ZMYM2: variants seen among roughly 807,000 people sequenced by gnomAD.
The protein encoded by ZMYM2 is zinc finger MYM-type protein 2.
In ZMYM2, 56 loss-of-function variants were observed where a neutral mutation model predicts 162.8. The ratio of observed to expected loss-of-function variants is 0.34; its 90% CI spans 0.28 to 0.43. The LOEUF (loss-of-function observed/expected upper bound fraction) is 0.43. Among genes scored for constraint, ZMYM2 ranks in the 20% least tolerant of loss-of-function variants. The probability of loss-of-function intolerance (pLI) is 1.00; values close to 1 mark genes in which losing one functional copy is unlikely to be tolerated. For missense variants in ZMYM2, 1,275 were observed against 1,621.8 expected (o/e 0.79, Z 3.67); for synonymous variants, 510 against 541.6 (o/e 0.94, Z 0.81).
chr13:19,867,676 A>T, the ZMYM2 span, among the ~76,000 whole-genome samples: 4 of 151,852 alleles, frequency 2.6e-5, no homozygotes, highest in Non-Finnish European at 5.9e-5. Context: ...CCCAGGCTGG[A>T]GTGCAGTGGC....
At chr13:20,055,355 C>T (rs1323291676) in intron 14 of ZMYM2, among the ~76,000 whole-genome samples, 1 of 152,182 alleles carries the variant, frequency 6.6e-6, no homozygotes, top group African/African-American at 2.4e-5. Flanking sequence ...TGTGCATGTT[C>T]CCAGTTGAAG....
the ZMYM2 span, among the ~76,000 whole-genome samples, chr13:19,952,627 CA>C: frequency 2.0e-5 from 3 of 152,092 alleles, no homozygotes; most frequent in Non-Finnish European, 2.9e-5. Context: ...ACTATAGTTG[CA>C]AACACTTTTT....
intron 9 of ZMYM2, chr13:20,027,957 G>C (rs997369122): frequency 5.7e-6 from 1 of 176,458 alleles, no homozygotes; most frequent in Non-Finnish European, 1.2e-5. Flanking sequence ...ATACGATTAG[G>C]TTTACCTGTT....
At chr13:19,962,510 T>C (rs1381848879) in intron 2 of ZMYM2, among the ~76,000 whole-genome samples, 3 of 60,630 alleles carry the variant, frequency 4.9e-5, no homozygotes, top group East Asian at 8.7e-4. Context: ...TATATATATA[T>C]ATATATTTTT....
chr13:20,004,256 T>C (rs1950585244), intron 4 of ZMYM2, among the ~76,000 whole-genome samples: 1 of 151,806 alleles, frequency 6.6e-6, no homozygotes, highest in Admixed American at 6.6e-5. Flanking sequence ...CAGTTTTGTT[T>C]TGTTTTGTTT....
intron 12 of ZMYM2, among the ~76,000 whole-genome samples, chr13:20,039,185 G>T (rs1450146473): frequency 6.6e-6 from 1 of 152,178 alleles, no homozygotes; most frequent in African/African-American, 2.4e-5. Context: ...AGCCTATGGA[G>T]TTTTCTAGAT....
intron 2 of ZMYM2, among the ~76,000 whole-genome samples, chr13:19,960,885 A>G (rs1955135576): frequency 6.6e-6 from 1 of 151,242 alleles, no homozygotes. Context: ...AGAGTCAGAG[A>G]TGAGTTATTT....
At chr13:19,945,749 C>T in the ZMYM2 span, among the ~76,000 whole-genome samples, 1 of 151,502 alleles carries the variant, frequency 6.6e-6, no homozygotes, top group Admixed American at 6.6e-5. Flanking sequence ...TTTTCACCAG[C>T]CTGACCAACA....
intron 21 of ZMYM2, among the ~76,000 whole-genome samples, chr13:20,075,024 T>A (rs923434681): frequency 6.6e-6 from 1 of 152,232 alleles, no homozygotes; most frequent in African/African-American, 2.4e-5. Context: ...AGACTTGTTT[T>A]CAAAGACTGT....
intron 6 of ZMYM2, among the ~76,000 whole-genome samples, chr13:20,017,109 T>G (rs1411582162): frequency 6.6e-6 from 1 of 152,210 alleles, no homozygotes; most frequent in Non-Finnish European, 1.5e-5. Flanking sequence ...TTCTGCTGGG[T>G]CAGACCACCT....
At chr13:19,910,182 G>A in the ZMYM2 span, among the ~76,000 whole-genome samples, 3 of 151,938 alleles carry the variant, frequency 2.0e-5, no homozygotes, top group Non-Finnish European at 4.4e-5. Flanking sequence ...AGCCGAGATT[G>A]CGCCACTGCA....
the ZMYM2 span, among the ~76,000 whole-genome samples, chr13:19,884,191 G>A: frequency 2.7e-3 from 407 of 152,236 alleles, 1 homozygote; most frequent in South Asian, 7.7e-3. Flanking sequence ...ACCATACCGA[G>A]ATCCCCAGCT....
At chr13:20,020,647 T>C (rs1952004415) in intron 7 of ZMYM2, among the ~76,000 whole-genome samples, 1 of 152,122 alleles carries the variant, frequency 6.6e-6, no homozygotes, top group Admixed American at 6.5e-5. Context: ...TTTTGTTTTT[T>C]GGTATTGTTT....
rs755903154 is a variant in ZMYM2 at position 20,005,058 on chromosome 13, A to G, written c.1134-16A>G. Reference sequence around the variant, plus strand: ...CTTTTAAAATGGAATTTTAATATGTACCACTTATTTTTCAGAGATATAACT... The same window carrying G: ...CTTTTAAAATGGAATTTTAATATGTGCCACTTATTTTTCAGAGATATAACT... On this transcript the variant is annotated splice_polypyrimidine_tract_variant and intron_variant, in intron 4 of 24. Transcript: ENST00000610343. 9 of 1,585,146 alleles carry G rather than the reference A, an allele frequency of 5.7e-6. No individual in the cohort carries two copies. Among genetic ancestry groups the G allele is most frequent in the Non-Finnish European group, 7.7e-6 (9 of 1,169,724 alleles).
chr13:19,868,152 C>T, the ZMYM2 span, among the ~76,000 whole-genome samples: 1 of 152,100 alleles, frequency 6.6e-6, no homozygotes, highest in Non-Finnish European at 1.5e-5. Context: ...GTGTATATGC[C>T]CCCAGCTGCA....
chr13:20,067,773 T>C (rs898208445), intron 21 of ZMYM2, among the ~76,000 whole-genome samples: 1 of 152,234 alleles, frequency 6.6e-6, no homozygotes, highest in Non-Finnish European at 1.5e-5. Context: ...GATCATTCTT[T>C]AGGGGTAAAG....
intron 12 of ZMYM2, among the ~76,000 whole-genome samples, chr13:20,042,677 A>T (rs1240772122): frequency 2.0e-5 from 3 of 151,946 alleles, no homozygotes; most frequent in Non-Finnish European, 2.9e-5. Context: ...GTGGGCTTAC[A>T]TTCCTTCAAC....
chr13:20,019,674 A>G (rs1430940353), intron 7 of ZMYM2, 56 bp downstream of exon 7: 3 of 1,441,100 alleles, frequency 2.1e-6, no homozygotes, highest in South Asian at 2.5e-5. Flanking sequence ...CACTGCTACT[A>G]CTGTCATTAA....
the ZMYM2 span, among the ~76,000 whole-genome samples, chr13:19,873,017 T>G: frequency 6.6e-6 from 1 of 151,788 alleles, no homozygotes; most frequent in Non-Finnish European, 1.5e-5. Context: ...AATAAATAAA[T>G]AAAATCCCTT....
Sources: gnomAD v4.1 joint callset for allele counts (sites outside exome capture counted in the v4.1 genomes callset) on GRCh38, gnomAD v4.1.1 for gene constraint, MANE v1.5 for transcripts, NCBI Gene and HGNC (gene_info 2026-07-23, HGNC 2026-07-21) for gene names.